Variants in CBFB observed in about 807,000 individuals in gnomAD.
The protein encoded by CBFB is core-binding factor subunit beta, also known as CBF-beta.
CBFB carries 9 observed loss-of-function variants against 30.4 expected under a neutral mutation model. That is an observed-to-expected ratio of 0.30 (90% CI 0.18 to 0.52). The LOEUF (loss-of-function observed/expected upper bound fraction) is 0.52. Ranked by LOEUF, CBFB falls within the 20% of genes least tolerant of loss-of-function variation. The pLI, the probability that CBFB is intolerant of heterozygous loss-of-function variation, is 0.97. For synonymous variants in CBFB, 94 were observed against 84.0 expected (o/e 1.12, Z -0.65); for missense variants, 170 against 244.0 (o/e 0.70, Z 2.02).
chr16:67,045,514 C>CT (rs1454877658), intron 3 of CBFB, among the ~76,000 whole-genome samples: 1 of 149,048 alleles, frequency 6.7e-6, no homozygotes, highest in East Asian at 1.9e-4. Flanking sequence ...AAGACTCTGT[C>CT]TGAAAAAAAA....
chr16:67,063,371 T>C (rs1960963925), intron 3 of CBFB, among the ~76,000 whole-genome samples: 1 of 152,230 alleles, frequency 6.6e-6, no homozygotes, highest in Admixed American at 6.5e-5. Flanking sequence ...TTGCAGCCCT[T>C]AGCAGAAATG....
At chr16:67,029,663 G>A in intron 1 of CBFB, 64 bp from the exon 2 acceptor site, 1 of 1,453,368 alleles carries the variant, frequency 6.9e-7, no homozygotes, top group Non-Finnish European at 9.5e-7. Flanking sequence ...GCTGCGCTGG[G>A]AGGGCGGGCG....
chr16:67,064,169 G>A (rs1280716929), intron 3 of CBFB, among the ~76,000 whole-genome samples: 3 of 152,180 alleles, frequency 2.0e-5, no homozygotes, highest in African/African-American at 7.2e-5. Flanking sequence ...AGAAACTCAT[G>A]TTAAACAAGG....
chr16:67,037,368 A>G (rs1031246656), intron 3 of CBFB, among the ~76,000 whole-genome samples: 1 of 152,236 alleles, frequency 6.6e-6, no homozygotes, highest in Non-Finnish European at 1.5e-5. Flanking sequence ...GTATAGTGCT[A>G]TAAAAATAAA....
At chr16:67,062,868 T>C (rs1033899656) in intron 3 of CBFB, among the ~76,000 whole-genome samples, 1 of 152,098 alleles carries the variant, frequency 6.6e-6, no homozygotes, top group African/African-American at 2.4e-5. Context: ...ATATAAATCA[T>C]TTATGACTAA....
At chr16:67,048,704 C>T (rs1236293884) in intron 3 of CBFB, among the ~76,000 whole-genome samples, 1 of 152,058 alleles carries the variant, frequency 6.6e-6, no homozygotes, top group East Asian at 1.9e-4. Flanking sequence ...GAGCCCGCCA[C>T]CACGCCTGGC....
At chr16:67,097,051 AT>A (rs1309529918) in intron 5 of CBFB, among the ~76,000 whole-genome samples, 1 of 151,844 alleles carries the variant, frequency 6.6e-6, no homozygotes, top group Non-Finnish European at 1.5e-5. Flanking sequence ...CCCTGGCAAC[AT>A]GGTGAAACCC....
At chr16:67,064,142 C>G (rs1960987637) in intron 3 of CBFB, among the ~76,000 whole-genome samples, 1 of 152,134 alleles carries the variant, frequency 6.6e-6, no homozygotes, top group Non-Finnish European at 1.5e-5. Context: ...TAAATATTAA[C>G]CTATGCTGGT....
At chr16:67,058,832 T>C (rs1187233912) in intron 3 of CBFB, among the ~76,000 whole-genome samples, 1 of 152,230 alleles carries the variant, frequency 6.6e-6, no homozygotes, top group East Asian at 1.9e-4. Flanking sequence ...TAACAACTTA[T>C]TACAGAGAAT....
chr16:67,082,385 T>G (rs1961590272), intron 5 of CBFB, 77 bp downstream of exon 5: 1 of 1,535,332 alleles, frequency 6.5e-7, no homozygotes, highest in South Asian at 1.3e-5. Context: ...GTGATGTTTG[T>G]GCATAATGCT....
At chr16:67,058,342 T>G (rs1960790528) in intron 3 of CBFB, among the ~76,000 whole-genome samples, 2 of 152,332 alleles carry the variant, frequency 1.3e-5, no homozygotes, top group East Asian at 3.9e-4. Flanking sequence ...GATTTCACCA[T>G]GTTGGCCAGG....
chr16:67,029,538 C>T (rs1346288202), intron 1 of CBFB, 53 bp downstream of exon 1: 13 of 1,525,266 alleles, frequency 8.5e-6, no homozygotes, highest in East Asian at 2.5e-5. Context: ...CGAGTGGGCC[C>T]GGGCGGAGAA....
intron 3 of CBFB, among the ~76,000 whole-genome samples, chr16:67,060,568 T>A (rs939809803): frequency 1.3e-5 from 2 of 152,122 alleles, no homozygotes; most frequent in Non-Finnish European, 2.9e-5. Flanking sequence ...TTTGTTTGTT[T>A]TTTTGAGACG....
At chr16:67,095,165 A>T (rs1046284533) in intron 5 of CBFB, among the ~76,000 whole-genome samples, 11 of 136,596 alleles carry the variant, frequency 8.1e-5, no homozygotes, top group African/African-American at 3.0e-4. Context: ...AGTTGAGATC[A>T]GGCCATTGCA....
At position 67,090,467 on chromosome 16, in the gene CBFB, T is replaced by C. The variant is rs182486518; in HGVS notation, c.495+8159T>C. 9.2e-5 allele frequency among the ~76,000 whole-genome samples: 14 copies of C among 152,330 alleles called. No individual in the cohort carries two copies. In the East Asian group the frequency reaches 2.1e-3, roughly 23 times the overall value. On this transcript the variant is annotated intron_variant, in intron 5 of 5. Coordinates refer to ENST00000412916, the MANE Select transcript of CBFB (RefSeq NM_022845.3). The stretch of plus-strand genomic sequence containing the variant: ...TTTCTTTTTGGGGTATATATGTCTA[T>C]AACTAATTCAAATGTCTTTTGTGAA...
intron 2 of CBFB, 122 bp downstream of exon 2, chr16:67,029,935 C>G (rs1423830124): frequency 1.8e-6 from 1 of 563,294 alleles, no homozygotes. Context: ...CGCCGTCTCA[C>G]TTCCTACTCG....
At chr16:67,096,113 C>A (rs969225336) in intron 5 of CBFB, among the ~76,000 whole-genome samples, 1 of 151,718 alleles carries the variant, frequency 6.6e-6, no homozygotes, top group African/African-American at 2.4e-5. Context: ...AGTTCGAGAC[C>A]AGCCTGGCCA....
At chr16:67,076,549 T>A (rs765423015) in intron 4 of CBFB, among the ~76,000 whole-genome samples, 1 of 152,046 alleles carries the variant, frequency 6.6e-6, no homozygotes, top group African/African-American at 2.4e-5. Flanking sequence ...TAATAAATAA[T>A]AGGAAAGCCA....
chr16:67,032,436 C>T (rs1310141546), intron 2 of CBFB, among the ~76,000 whole-genome samples: 1 of 152,188 alleles, frequency 6.6e-6, no homozygotes, highest in South Asian at 2.1e-4. Context: ...GCACTTAAGA[C>T]GGCTCATGTC....
Sources: allele counts gnomAD v4.1 joint callset (sites outside exome capture counted in the v4.1 genomes callset), GRCh38; gene constraint gnomAD v4.1.1; transcripts MANE v1.5; gene names NCBI Gene and HGNC (gene_info 2026-07-23, HGNC 2026-07-21).